TBCEL: variants seen among roughly 807,000 people sequenced by gnomAD.
TBCEL encodes tubulin folding cofactor E like, also known as tubulin-specific chaperone cofactor E-like protein.
TBCEL carries 15 observed loss-of-function variants against 44.2 expected under a neutral mutation model. The observed-to-expected ratio is 0.34, with a 90% confidence interval of 0.23 to 0.52. TBCEL has a LOEUF of 0.52. Among genes scored for constraint, TBCEL ranks in the 20% least tolerant of loss-of-function variants. TBCEL has a pLI of 0.95. For missense variants in TBCEL, 319 were observed against 506.3 expected (o/e 0.63, Z 3.55); for synonymous variants, 171 against 185.4 (o/e 0.92, Z 0.63).
At chr11:121,025,705 TAAG>T (rs1945033320) in intron 1 of TBCEL, among the ~76,000 whole-genome samples, 1 of 151,162 alleles carries the variant, frequency 6.6e-6, no homozygotes, top group Admixed American at 6.6e-5. Flanking sequence ...GGGATGATTC[TAAG>T]GAGATGGATT....
intron 1 of TBCEL, 36 bp downstream of exon 1, chr11:121,024,327 C>G (rs1029643399): frequency 6.6e-6 from 1 of 152,464 alleles, no homozygotes; most frequent in African/African-American, 2.4e-5. Flanking sequence ...CTGCCGGGCT[C>G]TCGAGGCCCG....
intron 2 of TBCEL, among the ~76,000 whole-genome samples, chr11:121,044,498 C>T (rs571428288): frequency 2.6e-5 from 4 of 152,158 alleles, no homozygotes; most frequent in Non-Finnish European, 5.9e-5. Flanking sequence ...ACTACAGTTC[C>T]TTTTCTTATG....
At chr11:121,066,197 G>C (rs1945817527) in intron 8 of TBCEL, among the ~76,000 whole-genome samples, 1 of 152,178 alleles carries the variant, frequency 6.6e-6, no homozygotes, top group Admixed American at 6.5e-5. Context: ...TCATTAGTAA[G>C]TTGCTGGACT....
At chr11:121,031,353 A>G (rs1236996272) in intron 1 of TBCEL, among the ~76,000 whole-genome samples, 2 of 152,166 alleles carry the variant, frequency 1.3e-5, no homozygotes, top group Non-Finnish European at 2.9e-5. Context: ...AACACTTGGT[A>G]TTGTCAGAGT....
intron 7 of TBCEL, among the ~76,000 whole-genome samples, chr11:121,058,857 G>A (rs148765652): frequency 1.6e-3 from 237 of 151,984 alleles, no homozygotes; most frequent in African/African-American, 5.0e-3. Context: ...AACTTGGGCT[G>A]TTTCATTAGT....
chr11:121,059,917 C>A, intron 7 of TBCEL, 52 bp from the exon 8 acceptor site: 1 of 1,284,550 alleles, frequency 7.8e-7, no homozygotes, highest in Non-Finnish European at 1.1e-6. Context: ...CTTTCTAAAG[C>A]TAAATATATT....
At chr11:121,061,834 T>A (rs1455330178) in intron 8 of TBCEL, among the ~76,000 whole-genome samples, 1 of 152,110 alleles carries the variant, frequency 6.6e-6, no homozygotes, top group Non-Finnish European at 1.5e-5. Context: ...TACTATAGAC[T>A]TTATCAACAC....
At chr11:121,030,985 C>G (rs1413453103) in intron 1 of TBCEL, among the ~76,000 whole-genome samples, 5 of 151,798 alleles carry the variant, frequency 3.3e-5, no homozygotes, top group Admixed American at 6.6e-5. Context: ...GCATAATGAA[C>G]TACCAATTGT....
intron 8 of TBCEL, among the ~76,000 whole-genome samples, chr11:121,067,602 G>A (rs1945843635): frequency 6.6e-6 from 1 of 152,138 alleles, no homozygotes; most frequent in South Asian, 2.1e-4. Context: ...CCATCATACT[G>A]TTTGCTTTTC....
At chr11:121,069,530 C>T (rs1422211687) in intron 8 of TBCEL, among the ~76,000 whole-genome samples, 3 of 152,182 alleles carry the variant, frequency 2.0e-5, no homozygotes, top group Admixed American at 6.5e-5. Flanking sequence ...GTGGCTCACT[C>T]CTGTAATCCC....
intron 7 of TBCEL, 149 bp downstream of exon 7, chr11:121,058,620 C>A: frequency 1.0e-6 from 1 of 995,472 alleles, no homozygotes; most frequent in Non-Finnish European, 1.5e-6. Context: ...AGCTCCAAAT[C>A]CTGGATGAAA....
chr11:121,080,906 A>G (rs1259263679), intron 8 of TBCEL, among the ~76,000 whole-genome samples: 1 of 152,208 alleles, frequency 6.6e-6, no homozygotes, highest in African/African-American at 2.4e-5. Flanking sequence ...CAGGTGTGCC[A>G]TGGACCAGGA....
intron 8 of TBCEL, among the ~76,000 whole-genome samples, chr11:121,067,943 TAGAGA>T (rs1945851109): frequency 6.6e-6 from 1 of 152,238 alleles, no homozygotes; most frequent in Admixed American, 6.5e-5. Flanking sequence ...GAAGCTAAGC[TAGAGA>T]TATATTTCCT....
At chr11:121,058,194 C>T (rs1232074698) in intron 6 of TBCEL, 151 bp from the exon 7 acceptor site, 3 of 929,516 alleles carry the variant, frequency 3.2e-6, no homozygotes, top group Non-Finnish European at 4.6e-6. Context: ...GTGTTCTGCT[C>T]TTGCCTTGGA....
At chr11:121,041,143 A>G (rs1392683699) in intron 2 of TBCEL, among the ~76,000 whole-genome samples, 1 of 152,132 alleles carries the variant, frequency 6.6e-6, no homozygotes, top group African/African-American at 2.4e-5. Context: ...TCTATCTTAT[A>G]TGTTTCCCAG....
chr11:121,031,096 C>G (rs1945135235), intron 1 of TBCEL, among the ~76,000 whole-genome samples: 1 of 152,168 alleles, frequency 6.6e-6, no homozygotes, highest in Admixed American at 6.5e-5. Context: ...GCATTCCCCC[C>G]CACCGCAATC....
At chr11:121,042,367 G>T (rs929583050) in intron 2 of TBCEL, among the ~76,000 whole-genome samples, 6 of 152,092 alleles carry the variant, frequency 3.9e-5, no homozygotes, top group African/African-American at 1.4e-4. Flanking sequence ...GCTCTATGTT[G>T]TCTGCTGTTG....
At chr11:121,046,458 G>T (rs1945431580) in intron 3 of TBCEL, among the ~76,000 whole-genome samples, 2 of 151,926 alleles carry the variant, frequency 1.3e-5, no homozygotes, top group African/African-American at 2.4e-5. Context: ...TAATTGTGGG[G>T]GATTAATATT....
intron 3 of TBCEL, among the ~76,000 whole-genome samples, chr11:121,046,338 G>A (rs2134922375): frequency 6.6e-6 from 1 of 152,224 alleles, no homozygotes; most frequent in Non-Finnish European, 1.5e-5. Flanking sequence ...TACATTCTAG[G>A]AGAGGGATTA....
Sources: gnomAD v4.1 joint callset for allele counts (sites outside exome capture counted in the v4.1 genomes callset) on GRCh38, gnomAD v4.1.1 for gene constraint, MANE v1.5 for transcripts, NCBI Gene and HGNC (gene_info 2026-07-23, HGNC 2026-07-21) for gene names.